The following TNRC6B variants were observed in gnomAD, a reference collection of about 807,000 sequenced individuals.
TNRC6B encodes trinucleotide repeat-containing gene 6B protein.
In TNRC6B, 52 loss-of-function variants were observed where a neutral mutation model predicts 203.6. The ratio of observed to expected loss-of-function variants is 0.26; its 90% CI spans 0.20 to 0.32. TNRC6B has a LOEUF of 0.32. TNRC6B is among the 10% of genes least tolerant of loss of function. The probability of loss-of-function intolerance (pLI) is 1.00; values close to 1 mark genes in which losing one functional copy is unlikely to be tolerated. For synonymous variants in TNRC6B, 838 were observed against 845.7 expected (o/e 0.99, Z 0.16); for missense variants, 1,923 against 2,286.2 (o/e 0.84, Z 3.24).
intron 11 of TNRC6B, among the ~76,000 whole-genome samples, chr22:40,284,460 C>T (rs1247151279): frequency 6.6e-6 from 1 of 152,110 alleles, no homozygotes; most frequent in Non-Finnish European, 1.5e-5. Context: ...GTATAATACT[C>T]AGTATAAGCA....
intron 19 of TNRC6B, 86 bp from the exon 20 acceptor site, chr22:40,315,197 T>C: frequency 1.0e-6 from 1 of 994,340 alleles, no homozygotes; most frequent in Non-Finnish European, 1.5e-6. Context: ...CATGTATTTA[T>C]GTGTATGTAG....
At chr22:40,279,573 A>G (rs888238862) in intron 9 of TNRC6B, among the ~76,000 whole-genome samples, 4 of 152,158 alleles carry the variant, frequency 2.6e-5, no homozygotes, top group Non-Finnish European at 4.4e-5. Flanking sequence ...CACCCAGACC[A>G]TTTATCTAGA....
intron 1 of TNRC6B, among the ~76,000 whole-genome samples, chr22:40,185,020 G>C (rs553473949): frequency 1.3e-5 from 2 of 152,106 alleles, no homozygotes; most frequent in Non-Finnish European, 2.9e-5. Context: ...TTTTGAGACG[G>C]AGTCTTGCTC....
intron 1 of TNRC6B, among the ~76,000 whole-genome samples, chr22:40,224,021 T>G (rs965127070): frequency 3.3e-5 from 5 of 152,180 alleles, no homozygotes; most frequent in African/African-American, 7.2e-5. Flanking sequence ...GTTTTGTTTT[T>G]TTTGAGACCG....
Position 40,280,444 on chromosome 22 carries a change from GCTACAAAATAAA to G in TNRC6B, c.3411+302_3411+313del, listed in dbSNP as rs1164161234. On this transcript the variant is annotated intron_variant, in intron 10 of 22. Transcript: ENST00000454349. ...GCATTCTTTTTTCCGCTGCTGTGCA[GCTACAAAATAAA>G]TTTTGGGATTTTGTGCAAATATTCC... Among the ~76,000 whole-genome samples, 11 of 152,338 alleles carry G rather than the reference GCTACAAAATAAA, an allele frequency of 7.2e-5. No individual in the cohort carries two copies. In the East Asian group the frequency reaches 1.7e-3, roughly 24 times the overall value.
intron 3 of TNRC6B, among the ~76,000 whole-genome samples, chr22:40,152,691 T>G (rs924688973): frequency 2.0e-5 from 3 of 152,104 alleles, no homozygotes; most frequent in African/African-American, 7.2e-5. Context: ...CAGGATGACC[T>G]TGATCTCTGG....
At chr22:40,121,480 TC>T (rs1490706305) in intron 2 of TNRC6B, among the ~76,000 whole-genome samples, 2 of 152,232 alleles carry the variant, frequency 1.3e-5, no homozygotes, top group African/African-American at 4.8e-5. Flanking sequence ...GTCTAATCTT[TC>T]CTCAGCCATG....
intron 1 of TNRC6B, chr22:40,106,364 GC>G: frequency 8.4e-7 from 1 of 1,186,168 alleles, no homozygotes; most frequent in Non-Finnish European, 1.2e-6. Context: ...CCTTCTTGTT[GC>G]CAGCATCTCC....
chr22:40,045,024 G>T (rs1294919721), intron 1 of TNRC6B: 3 of 148,592 alleles, frequency 2.0e-5, no homozygotes, highest in African/African-American at 7.3e-5. Flanking sequence ...CGGCCGCGCC[G>T]TCCTTCCCCT....
In TNRC6B at chr22:40,262,050, C is replaced by G; in HGVS notation, c.334C>G (p.Pro112Ala). 1 of 1,596,596 alleles carries G rather than the reference C, an allele frequency of 6.3e-7. No homozygotes were observed. ...KVLLKRGQPP[P>A]PSCMLLGGGA... ...GTTACTAAAACGTGGGCAGCCCCCT[C>G]CACCGTCCTGCATGCTCCTTGGGGG... Residue 112 changes from proline to alanine, a missense_variant, in exon 4 of 23, where the codon CCA (proline) becomes GCA (alanine). Physicochemically the swap from Pro to Ala is conservative, Grantham distance 27. Around this residue, in one of 8 missense-constraint regions of TNRC6B, gnomAD observed 111 missense variants for 155.3 expected, o/e 0.71. Coordinates refer to ENST00000454349, the MANE Select transcript of TNRC6B (RefSeq NM_001162501.2).
chr22:40,103,015 T>A (rs2068252833), intron 1 of TNRC6B, among the ~76,000 whole-genome samples: 1 of 152,022 alleles, frequency 6.6e-6, no homozygotes, highest in Non-Finnish European at 1.5e-5. Context: ...AGTTGGAGGT[T>A]GCAGTGAGCC....
At chr22:40,278,148 T>A in intron 9 of TNRC6B, 104 bp downstream of exon 9, 1 of 864,040 alleles carries the variant, frequency 1.2e-6, no homozygotes. Flanking sequence ...TCAGTAGACA[T>A]TGATTGAGCA....
chr22:40,078,550 CAATT>C (rs1189316100), intron 1 of TNRC6B, among the ~76,000 whole-genome samples: 1 of 151,876 alleles, frequency 6.6e-6, no homozygotes, highest in Non-Finnish European at 1.5e-5. Context: ...GATTAATCAC[CAATT>C]AATTACTACT....
At chr22:40,174,610 G>A (rs190314779), upstream of TNRC6B, among the ~76,000 whole-genome samples, 84 of 152,018 alleles carry the variant, frequency 5.5e-4, no homozygotes, top group African/African-American at 1.9e-3. Context: ...GGCTGAGGCC[G>A]GCAGATCACG....
intron 1 of TNRC6B, among the ~76,000 whole-genome samples, chr22:40,112,724 A>G (rs1357798455): frequency 6.6e-6 from 1 of 152,242 alleles, no homozygotes; most frequent in African/African-American, 2.4e-5. Context: ...TATCTGTTGC[A>G]TTGACACTGA....
At chr22:40,128,539 ATCACGGCTCACGGC>A (rs555957258) in intron 3 of TNRC6B, among the ~76,000 whole-genome samples, 79 of 147,890 alleles carry the variant, frequency 5.3e-4, no homozygotes, top group Non-Finnish European at 1.0e-3. Context: ...TGGTGGTATG[ATCACGGCTCACGGC>A]TCACGGCTCA....
At chr22:40,273,105 G>A (rs2070587513) in intron 6 of TNRC6B, among the ~76,000 whole-genome samples, 1 of 152,182 alleles carries the variant, frequency 6.6e-6, no homozygotes, top group Non-Finnish European at 1.5e-5. Context: ...TAATTGAGAT[G>A]TGAAATTTCT....
At chr22:40,302,753 G>A (rs1428167482) in intron 15 of TNRC6B, among the ~76,000 whole-genome samples, 4 of 152,138 alleles carry the variant, frequency 2.6e-5, no homozygotes, top group African/African-American at 9.7e-5. Context: ...CCTACTGCAC[G>A]TGCAGGGGGT....
At chr22:40,227,188 C>T (rs571379473) in intron 1 of TNRC6B, among the ~76,000 whole-genome samples, 1 of 143,830 alleles carries the variant, frequency 7.0e-6, no homozygotes, top group Admixed American at 6.9e-5. Context: ...TCAAGTGATC[C>T]ACTTGCCTCA....
Sources: allele counts gnomAD v4.1 joint callset (sites outside exome capture counted in the v4.1 genomes callset), GRCh38; gene constraint gnomAD v4.1.1; regional missense constraint gnomAD v4.1.1; transcripts MANE v1.5; gene names NCBI Gene and HGNC (gene_info 2026-07-23, HGNC 2026-07-21).